Variants in RERE observed in about 807,000 individuals in gnomAD.
RERE encodes arginine-glutamic acid dipeptide repeats protein.
RERE carries 40 observed loss-of-function variants against 146.1 expected under a neutral mutation model. The ratio of observed to expected loss-of-function variants is 0.27; its 90% CI spans 0.21 to 0.36. The LOEUF (loss-of-function observed/expected upper bound fraction) is 0.36. Ranked by LOEUF, RERE falls within the 10% of genes least tolerant of loss-of-function variation. RERE has a pLI of 1.00. For synonymous variants in RERE, 1,003 were observed against 866.0 expected (o/e 1.16, Z -2.78); for missense variants, 1,933 against 2,138.7 (o/e 0.90, Z 1.90).
At chr1:8,806,147 C>T (rs149429789) in intron 1 of RERE, among the ~76,000 whole-genome samples, 2 of 151,988 alleles carry the variant, frequency 1.3e-5, no homozygotes, top group Non-Finnish European at 2.9e-5. Context: ...CCACTGCACC[C>T]GGCCAACAAA....
Position 8,530,104 on chromosome 1 carries a change from G to A in RERE, c.830+11110C>T, listed in dbSNP as rs187588502. ...ATACAATCTGCAACCTGGCACCCTCGTATTTCCATCTGTTGCCAACTGCCA... is the reference window on the plus strand; with the variant it reads ...ATACAATCTGCAACCTGGCACCCTCATATTTCCATCTGTTGCCAACTGCCA... On this transcript the variant is annotated intron_variant, in intron 7 of 22. Coordinates refer to ENST00000400908, the MANE Select transcript of RERE (RefSeq NM_001042681.2). Among the ~76,000 whole-genome samples, 254 of 152,202 alleles carry A rather than the reference G, an allele frequency of 1.7e-3. 2 individuals carry two copies. Among genetic ancestry groups the A allele is most frequent in the Non-Finnish European group, 2.5e-3 (168 of 68,022 alleles).
intron 4 of RERE, among the ~76,000 whole-genome samples, chr1:8,582,251 A>C (rs999313596): frequency 6.6e-6 from 1 of 152,136 alleles, no homozygotes; most frequent in African/African-American, 2.4e-5. Context: ...GCTGCAGCGC[A>C]GTGGCTATCC....
chr1:8,446,994 G>C (rs528960133), intron 11 of RERE, among the ~76,000 whole-genome samples: 1 of 151,510 alleles, frequency 6.6e-6, no homozygotes, highest in African/African-American at 2.4e-5. Context: ...ATTTCTTTTC[G>C]TTCTTTTTTC....
intron 12 of RERE, among the ~76,000 whole-genome samples, chr1:8,417,477 G>A (rs765933419): frequency 2.0e-5 from 3 of 152,088 alleles, no homozygotes; most frequent in Non-Finnish European, 4.4e-5. Flanking sequence ...AGTTAAAAAC[G>A]TCAAAACTGG....
intron 12 of RERE, 109 bp from the exon 13 acceptor site, chr1:8,366,083 T>C: frequency 8.5e-7 from 1 of 1,170,950 alleles, no homozygotes; most frequent in Non-Finnish European, 1.2e-6. Context: ...GTGCCAGAGA[T>C]GAGAATAAAG....
chr1:8,777,232 G>GA (rs1253216132), intron 1 of RERE, among the ~76,000 whole-genome samples: 1 of 152,104 alleles, frequency 6.6e-6, no homozygotes, highest in Non-Finnish European at 1.5e-5. Context: ...TCCACTTCTG[G>GA]AAAGCATTGT....
In RERE at chr1:8,475,565, TC is replaced by T. The variant is rs1469365737; in HGVS notation, c.1105-9543del. On this transcript the variant is annotated intron_variant, in intron 10 of 22. Transcript: ENST00000400908. ...GGCATGGTAGTGTGTGCCCATAATCTCAGCTACTCAGGAGGCTGAGGCAGAA... is the reference window on the plus strand; with the variant it reads ...GGCATGGTAGTGTGTGCCCATAATCTAGCTACTCAGGAGGCTGAGGCAGAA... Among the ~76,000 whole-genome samples, 4 of 145,282 alleles carry T rather than the reference TC, an allele frequency of 2.8e-5. No individual in the cohort carries two copies. The East Asian group carries it at 8.2e-4, about 30-fold the overall frequency.
At chr1:8,701,970 G>C (rs1355956020) in intron 1 of RERE, among the ~76,000 whole-genome samples, 1 of 151,934 alleles carries the variant, frequency 6.6e-6, no homozygotes, top group African/African-American at 2.4e-5. Flanking sequence ...TTGTGCTTCT[G>C]GAAATAATTG....
chr1:8,711,861 A>C (rs948877367), intron 1 of RERE, among the ~76,000 whole-genome samples: 11 of 152,236 alleles, frequency 7.2e-5, no homozygotes, highest in African/African-American at 2.7e-4. Flanking sequence ...AATTCAAAAT[A>C]TAATTTTGCC....
chr1:8,777,277 T>TC (rs148784631), intron 1 of RERE, among the ~76,000 whole-genome samples: 7,973 of 152,240 alleles, frequency 0.052, 221 homozygotes, highest in South Asian at 0.065. Flanking sequence ...TCTTTGCCCT[T>TC]CTAGAAAACA....
intron 4 of RERE, among the ~76,000 whole-genome samples, chr1:8,584,630 A>T (rs1646405353): frequency 6.6e-6 from 1 of 152,222 alleles, no homozygotes; most frequent in Non-Finnish European, 1.5e-5. Context: ...AGTGGTGAAG[A>T]TGAAGTATAT....
At position 8,466,011 on chromosome 1, in the gene RERE, C is replaced by A. The variant is rs144174535; in HGVS notation, c.1117G>T (p.Gly373Cys). Residue 373 changes from glycine to cysteine, a missense_variant, in exon 11 of 23, where the codon GGT becomes TGT. Gly to Cys is a radical substitution (Grantham distance 159). Coordinates refer to ENST00000400908, the MANE Select transcript of RERE (RefSeq NM_001042681.2). ...LNALNTLHES[G>C]YDAGKALQRL... is the part of the protein sequence containing the mutation. ...TGCAGGGCTTTGCCAGCATCGTAAC[C>A]GCTTTCATGCAGCTAAAACAACAAC... 1.2e-6 allele frequency: 2 copies of A among 1,608,796 alleles called. No individual in the cohort carries two copies. Among genetic ancestry groups the A allele is most frequent in the South Asian group, 2.2e-5 (2 of 90,994 alleles).
At chr1:8,445,036 G>C (rs1388603135) in intron 11 of RERE, among the ~76,000 whole-genome samples, 1 of 152,048 alleles carries the variant, frequency 6.6e-6, no homozygotes, top group Non-Finnish European at 1.5e-5. Flanking sequence ...TGTAATTTTG[G>C]AAGTTACATC....
chr1:8,597,591 C>T (rs141125197), intron 4 of RERE, among the ~76,000 whole-genome samples: 50 of 152,246 alleles, frequency 3.3e-4, no homozygotes, highest in Middle Eastern at 3.4e-3. Flanking sequence ...TATCTGACAA[C>T]GTGCTAAGAA....
intron 4 of RERE, among the ~76,000 whole-genome samples, chr1:8,563,723 A>G (rs1159136810): frequency 6.6e-6 from 1 of 152,230 alleles, no homozygotes; most frequent in African/African-American, 2.4e-5. Context: ...AATCAGATCA[A>G]AATTCTTACT....
intron 12 of RERE, among the ~76,000 whole-genome samples, chr1:8,382,007 C>A (rs1420087420): frequency 6.6e-6 from 1 of 152,234 alleles, no homozygotes; most frequent in African/African-American, 2.4e-5. Context: ...ATCCTCTGGA[C>A]CTGCCTTAAG....
At chr1:8,630,793 C>T (rs7511964) in intron 2 of RERE, among the ~76,000 whole-genome samples, 1 of 152,136 alleles carries the variant, frequency 6.6e-6, no homozygotes, top group Non-Finnish European at 1.5e-5. Flanking sequence ...GGGAAAAGTG[C>T]ACCTCCATAA....
chr1:8,664,113 A>C (rs1345927159), intron 1 of RERE, among the ~76,000 whole-genome samples: 2 of 152,216 alleles, frequency 1.3e-5, no homozygotes, highest in Non-Finnish European at 2.9e-5. Flanking sequence ...CTACCATGTC[A>C]TATTCCGTGA....
intron 10 of RERE, among the ~76,000 whole-genome samples, chr1:8,482,130 G>C (rs2124184267): frequency 6.6e-6 from 1 of 152,238 alleles, no homozygotes; most frequent in East Asian, 1.9e-4. Context: ...GCAATGTCCA[G>C]AATAGGCATA....
Sources: gnomAD v4.1 joint callset for allele counts (sites outside exome capture counted in the v4.1 genomes callset) on GRCh38, gnomAD v4.1.1 for gene constraint, MANE v1.5 for transcripts, NCBI Gene and HGNC (gene_info 2026-07-23, HGNC 2026-07-21) for gene names.